THSD4: variants seen among roughly 807,000 people sequenced by gnomAD.
THSD4 encodes the protein thrombospondin type 1 domain containing 4.
Under a neutral mutation model 119.0 loss-of-function variants are expected in THSD4, and 69 were observed. The ratio of observed to expected loss-of-function variants is 0.58; its 90% confidence interval spans 0.48 to 0.71. The LOEUF (loss-of-function observed/expected upper bound fraction) is 0.71. Ranked by LOEUF, THSD4 falls within the 30% of genes least tolerant of loss-of-function variation. The pLI is 0.00. For synonymous variants in THSD4, 524 were observed against 540.4 expected, an observed-to-expected ratio of 0.97 and a Z score of 0.42; for missense variants, 1,393 against 1,391.1, an observed-to-expected ratio of 1.00 and a Z score of -0.02.
intron 7 of THSD4, among the ~76,000 whole-genome samples, chr15:71,644,224 A>G (rs1044707673): frequency 2.6e-5 from 4 of 152,182 alleles, no homozygotes; most frequent in Non-Finnish European, 4.4e-5. Context: ...CTAAGAGTCT[A>G]TGATTCTAGC....
At chr15:71,416,721 G>A (rs199987296) in intron 7 of THSD4, among the ~76,000 whole-genome samples, 15,224 of 61,250 alleles carry the variant, frequency 0.25, 4,830 homozygotes, top group South Asian at 0.52. Flanking sequence ...ATTTTGTTTT[G>A]TTTTGTTTTG....
chr15:71,256,919 C>T (rs2044324418), intron 6 of THSD4, among the ~76,000 whole-genome samples: 2 of 152,160 alleles, frequency 1.3e-5, no homozygotes, highest in South Asian at 2.1e-4. Context: ...CCATCTTCGG[C>T]ATGAGTCAGA....
chr15:71,450,921 T>C (rs1405259693), intron 7 of THSD4, among the ~76,000 whole-genome samples: 1 of 152,098 alleles, frequency 6.6e-6, no homozygotes, highest in Non-Finnish European at 1.5e-5. Flanking sequence ...CATACTCCTG[T>C]AATCTCAGCA....
At chr15:71,203,540 T>A (rs987473089) in intron 3 of THSD4, among the ~76,000 whole-genome samples, 1 of 152,132 alleles carries the variant, frequency 6.6e-6, no homozygotes, top group African/African-American at 2.4e-5. Flanking sequence ...GTGCCTGTAA[T>A]CCCAGCTACT....
intron 3 of THSD4, among the ~76,000 whole-genome samples, chr15:71,164,148 T>C (rs590050): frequency 0.26 from 36,401 of 141,348 alleles, 7,754 homozygotes; most frequent in African/African-American, 0.58. Flanking sequence ...AACTTTACCC[T>C]CATTATGATA....
intron 2 of THSD4, among the ~76,000 whole-genome samples, chr15:71,151,384 T>A (rs182235312): frequency 7.2e-5 from 11 of 152,232 alleles, no homozygotes; most frequent in African/African-American, 2.4e-4. Flanking sequence ...TGCAGCTTTT[T>A]TTTTTTTTAA....
chr15:71,759,712 A>G (rs1196519431), intron 15 of THSD4, among the ~76,000 whole-genome samples: 2 of 152,228 alleles, frequency 1.3e-5, no homozygotes, highest in Non-Finnish European at 2.9e-5. Flanking sequence ...TAAGCAGTAC[A>G]ATCGAACTCA....
intron 1 of THSD4, among the ~76,000 whole-genome samples, chr15:71,123,565 T>G (rs1210895389): frequency 6.6e-6 from 1 of 152,166 alleles, no homozygotes; most frequent in African/African-American, 2.4e-5. Context: ...CCTGGGAGTG[T>G]GAGAGGCGGG....
At chr15:71,587,855 T>A (rs2049711873) in intron 7 of THSD4, among the ~76,000 whole-genome samples, 3 of 140,814 alleles carry the variant, frequency 2.1e-5, no homozygotes, top group South Asian at 4.6e-4. Context: ...ATTTTATAGG[T>A]AAAGAAAATG....
At chr15:71,275,083 G>A (rs1259421064) in intron 6 of THSD4, among the ~76,000 whole-genome samples, 2 of 151,972 alleles carry the variant, frequency 1.3e-5, no homozygotes, top group Non-Finnish European at 2.9e-5. Context: ...GTATTCTAGT[G>A]TTCCTACTCA....
rs147660446 is a variant in THSD4, at chr15:71,366,758, A to G, written c.1016-44929A>G. Among the ~76,000 whole-genome samples the G allele has an allele frequency of 2.4e-3, 368 of 152,296 alleles. 4 individuals carry two copies. Among genetic ancestry groups the G allele is most frequent in the African/African-American group, 8.3e-3 (344 of 41,552 alleles). ...GATCATCTCCAAGAGAACAGTACTC[A>G]ACAGGCACCTGTCCTTTGCTCATAC... On this transcript the variant is annotated intron_variant, in intron 6 of 17. Transcript: ENST00000261862.
At chr15:71,547,225 C>A in intron 7 of THSD4, 1 of 1,382,672 alleles carries the variant, frequency 7.2e-7, no homozygotes, top group Non-Finnish European at 9.3e-7. Flanking sequence ...ATCAGCTTAC[C>A]AGTTTTCTTC....
At chr15:71,502,593 A>G (rs2048128095) in intron 7 of THSD4, among the ~76,000 whole-genome samples, 1 of 152,204 alleles carries the variant, frequency 6.6e-6, no homozygotes, top group Non-Finnish European at 1.5e-5. Flanking sequence ...AAATGAAGGA[A>G]CTTTGAGGTG....
At chr15:71,373,808 C>T (rs1236865207) in intron 6 of THSD4, among the ~76,000 whole-genome samples, 1 of 152,206 alleles carries the variant, frequency 6.6e-6, no homozygotes, top group Admixed American at 6.5e-5. Flanking sequence ...ACAGGCAGTT[C>T]ACGAAAGACA....
chr15:71,350,837 G>C lies in THSD4; in HGVS notation c.1016-60850G>C, dbSNP rs575212579. Among the ~76,000 whole-genome samples, 3 of 152,254 alleles carry C rather than the reference G, an allele frequency of 2.0e-5. No individual in the cohort carries two copies. In the South Asian group the frequency reaches 6.2e-4, roughly 32 times the overall value. ...TCCTGTGTGCAAGTGTATCATTCCA[G>C]GCAAACCACGTGGCCACACTTTTGT... is the stretch of plus-strand genomic sequence containing the variant. On this transcript the variant is annotated intron_variant, in intron 6 of 17. Transcript: ENST00000261862.
chr15:71,665,255 G>A (rs1451558583), intron 8 of THSD4, among the ~76,000 whole-genome samples: 1 of 152,128 alleles, frequency 6.6e-6, no homozygotes, highest in African/African-American at 2.4e-5. Context: ...GTGATATTGA[G>A]CTTTTTTGCA....
chr15:71,626,558 G>A (rs2050514167), intron 7 of THSD4, among the ~76,000 whole-genome samples: 1 of 152,112 alleles, frequency 6.6e-6, no homozygotes, highest in South Asian at 2.1e-4. Flanking sequence ...GATTTTTAAA[G>A]CATCAAAAGA....
chr15:71,128,534 A>AG (rs1458110997), intron 1 of THSD4, among the ~76,000 whole-genome samples: 1 of 151,642 alleles, frequency 6.6e-6, no homozygotes, highest in African/African-American at 2.4e-5. Context: ...CTCAAAAAAA[A>AG]AAAAAAAGGC....
intron 6 of THSD4, among the ~76,000 whole-genome samples, chr15:71,267,661 G>C (rs551351972): frequency 3.8e-4 from 58 of 152,302 alleles, no homozygotes; most frequent in Middle Eastern, 3.4e-3. Context: ...AAAAGACACA[G>C]ACTGGCAAAT....
Sources: gnomAD v4.1 joint callset for allele counts (sites outside exome capture counted in the v4.1 genomes callset) on GRCh38, gnomAD v4.1.1 for gene constraint, MANE v1.5 for transcripts, NCBI Gene and HGNC (gene_info 2026-07-23, HGNC 2026-07-21) for gene names.